Variants in VGLL2 observed in about 807,000 individuals in gnomAD.
VGLL2 encodes the protein transcription cofactor vestigial-like protein 2.
VGLL2 carries 18 observed loss-of-function variants against 27.0 expected under a neutral mutation model. The ratio of observed to expected loss-of-function variants is 0.67; its 90% confidence interval spans 0.46 to 0.99. The LOEUF (loss-of-function observed/expected upper bound fraction) is 0.99. Among genes scored for constraint, VGLL2 ranks in the 50% least tolerant of loss-of-function variants. The pLI, the probability that VGLL2 is intolerant of heterozygous loss-of-function variation, is 0.00. For synonymous variants in VGLL2, 220 were observed against 201.1 expected (o/e 1.09, Z -0.80); for missense variants, 491 against 452.3 (o/e 1.09, Z -0.78).
At chr6:117,270,507 C>G (rs759078785) in intron 2 of VGLL2, 36 bp from the exon 3 acceptor site, 2 of 1,545,004 alleles carry the variant, frequency 1.3e-6, no homozygotes, top group Admixed American at 3.8e-5. Context: ...CACCTCTTTT[C>G]CTTTCCTCCA....
chr6:117,270,905 G>T lies in VGLL2; in HGVS notation c.754G>T (p.Ala252Ser), dbSNP rs754052998. 7.9e-7 allele frequency: 1 copy of T among 1,262,488 alleles called. No homozygotes were observed. Among genetic ancestry groups the T allele is most frequent in the South Asian group, 2.9e-5 (1 of 34,736 alleles). 78.2% of individuals were successfully genotyped at this position (1,262,488 alleles called of 1,614,324 possible). A position where few individuals can be genotyped will look rare whatever the true frequency, so the allele number is the denominator to read the frequency against. Residue 252 changes from alanine (A) to serine (S), a missense_variant, in exon 3 of 4, where the codon GCC becomes TCC. Coordinates refer to ENST00000326274, the MANE Select transcript of VGLL2 (RefSeq NM_182645.3). ...GATGCCAGCCGCCTCGGGGCGCCCG[G>T]CCCGCCTCGCAACCGCCCCGGCGCC... ...LLMPAASGRP[A>S]RLATAPAPAP...
Position 117,267,576 on chromosome 6 carries a change from C to G in VGLL2, c.82-606C>G, listed in dbSNP as rs115962863. Among the ~76,000 whole-genome samples, 572 of 152,292 alleles carry G rather than the reference C, an allele frequency of 3.8e-3. 6 individuals are homozygous for G. The highest frequency in any genetic ancestry group is 0.014 in the African/African-American group (562 of 41,552). On this transcript the variant is annotated intron_variant, in intron 1 of 3. Transcript: ENST00000326274. The stretch of plus-strand genomic sequence containing the variant: ...GTCATGTTACCCCAGATTTTTACCC[C>G]ACACAATTCATTACTAAATGTAATT...
chr6:117,268,634 A>G (rs1193500083), intron 2 of VGLL2, 143 bp downstream of exon 2: 2 of 929,946 alleles, frequency 2.2e-6, no homozygotes, highest in Admixed American at 2.9e-5. Flanking sequence ...AAGGGTAAGG[A>G]AAACGCAGGG....
chr6:117,270,791 C>G lies in VGLL2; in HGVS notation c.640C>G (p.Leu214Val), dbSNP rs1198707584. 6.9e-7 allele frequency: 1 copy of G among 1,445,484 alleles called. No individual in the cohort carries two copies. The highest frequency in any genetic ancestry group is 9.1e-7 in the Non-Finnish European group (1 of 1,104,650). 89.5% of individuals were successfully genotyped at this position (1,445,484 alleles called of 1,614,324 possible). Residue 214 changes from leucine to valine, a missense_variant, in exon 3 of 4, where the codon CTC becomes GTC. Coordinates refer to ENST00000326274, the MANE Select transcript of VGLL2 (RefSeq NM_182645.3). ...TCACCCCTACGCCCTGGGCGGCGCC[C>G]TCGGCGCCCAGGCCGCCCCCTACCC... ...PHHPYALGGALGAQAAPYPRP... is the reference protein window; with the variant it reads ...PHHPYALGGAVGAQAAPYPRP...
In VGLL2 at chr6:117,270,784, C is replaced by A; in HGVS notation, c.633C>A (p.Gly211=). Residue 211 remains glycine, a synonymous_variant, in exon 3 of 4, where the codon GGC becomes GGA. Transcript: ENST00000326274. ...HAHPHHPYAL[G]GALGAQAAPY... is the part of the protein sequence containing the mutation. ...ACCCGCATCACCCCTACGCCCTGGG[C>A]GGCGCCCTCGGCGCCCAGGCCGCCC... 6.9e-7 allele frequency: 1 copy of A among 1,445,970 alleles called. No homozygotes were observed. Among genetic ancestry groups the A allele is most frequent in the Non-Finnish European group, 9.1e-7 (1 of 1,104,912 alleles). 89.6% of individuals were successfully genotyped at this position (1,445,970 alleles called of 1,614,324 possible).
intron 3 of VGLL2, among the ~76,000 whole-genome samples, chr6:117,271,904 T>A (rs1404311022): frequency 6.6e-6 from 1 of 152,196 alleles, no homozygotes; most frequent in Non-Finnish European, 1.5e-5. Flanking sequence ...AAGGGCTTGC[T>A]TTTTTGCCTT....
chr6:117,266,508 G>A (rs1306684434), intron 1 of VGLL2, among the ~76,000 whole-genome samples: 2 of 152,222 alleles, frequency 1.3e-5, no homozygotes, highest in African/African-American at 4.8e-5. Context: ...TCTCCAGCCT[G>A]AGTAGGTGAA....
At chr6:117,269,966 A>T (rs1773145591) in intron 2 of VGLL2, among the ~76,000 whole-genome samples, 1 of 152,162 alleles carries the variant, frequency 6.6e-6, no homozygotes, top group Non-Finnish European at 1.5e-5. Context: ...GAAAACTAAC[A>T]ATAGCAAGAC....
chr6:117,269,457 C>A (rs1439818148), intron 2 of VGLL2, among the ~76,000 whole-genome samples: 1 of 152,172 alleles, frequency 6.6e-6, no homozygotes, highest in African/African-American at 2.4e-5. Context: ...TTAAGAGACG[C>A]TGGCAGTTTG....
chr6:117,267,900 G>A (rs1773100789), intron 1 of VGLL2, among the ~76,000 whole-genome samples: 1 of 152,170 alleles, frequency 6.6e-6, no homozygotes, highest in Non-Finnish European at 1.5e-5. Context: ...GGTGTCTCCT[G>A]AAACCTTCAC....
intron 3 of VGLL2, among the ~76,000 whole-genome samples, chr6:117,272,114 G>A (rs1562232536): frequency 6.8e-6 from 1 of 148,140 alleles, no homozygotes; most frequent in Non-Finnish European, 1.5e-5. Flanking sequence ...AAACAGTGGT[G>A]TTTTGTCCTT....
Position 117,268,262 on chromosome 6 carries a change from A to G in VGLL2, c.162A>G (p.Ser54=). ...SPSSSGSGSS[S]FSSQTPASIK... is the part of the protein sequence containing the mutation. ...GCAGCAGTGGCAGCGGCAGCTCCTCATTTTCCAGCCAAACCCCAGCCAGTA... is the reference window on the plus strand; with the variant it reads ...GCAGCAGTGGCAGCGGCAGCTCCTCGTTTTCCAGCCAAACCCCAGCCAGTA... The change falls in exon 2 of 4, where the codon TCA becomes TCG. Residue 54 remains serine, a synonymous_variant. Coordinates refer to ENST00000326274, the MANE Select transcript of VGLL2 (RefSeq NM_182645.3). The G allele has an allele frequency of 6.2e-7, 1 of 1,613,850 alleles. No individual in the cohort carries two copies. The highest frequency in any genetic ancestry group is 8.5e-7 in the Non-Finnish European group (1 of 1,180,034).
chr6:117,267,478 T>G (rs1235472461), intron 1 of VGLL2, among the ~76,000 whole-genome samples: 1 of 151,032 alleles, frequency 6.6e-6, no homozygotes, highest in African/African-American at 2.5e-5. Flanking sequence ...AGAGAAGATC[T>G]GTTTAAAAAC....
At chr6:117,271,173 C>A in intron 3 of VGLL2, 109 bp downstream of exon 3, 1 of 993,142 alleles carries the variant, frequency 1.0e-6, no homozygotes, top group Non-Finnish European at 1.3e-6. Flanking sequence ...ATTCTGTGGC[C>A]CAAGGATCTG....
chr6:117,268,663 A>T lies in VGLL2; in HGVS notation c.391+172A>T, dbSNP rs532378694. On this transcript the variant is annotated intron_variant, in intron 2 of 3. Coordinates refer to ENST00000326274, the MANE Select transcript of VGLL2 (RefSeq NM_182645.3). ...CGCAGGGGTAAAGGGCATGGATATAAGAAAAAACTCCTTGGAAAAAACACT... is the reference window on the plus strand; with the variant it reads ...CGCAGGGGTAAAGGGCATGGATATATGAAAAAACTCCTTGGAAAAAACACT... Among the ~76,000 whole-genome samples the T allele has an allele frequency of 2.6e-5, 4 of 152,340 alleles. No homozygotes were observed. The South Asian group carries it at 8.3e-4, about 32-fold the overall frequency.
intron 1 of VGLL2, among the ~76,000 whole-genome samples, chr6:117,267,549 C>T (rs935456765): frequency 6.6e-6 from 1 of 152,150 alleles, no homozygotes; most frequent in Non-Finnish European, 1.5e-5. Context: ...CGTGTTTCCC[C>T]AGTCATGTTA....
At chr6:117,270,454 G>T in intron 2 of VGLL2, 89 bp from the exon 3 acceptor site, 1 of 1,427,304 alleles carries the variant, frequency 7.0e-7, no homozygotes, top group Admixed American at 2.6e-5. Context: ...CGTCTCTCGG[G>T]CGGGACGTGC....
At position 117,270,718 on chromosome 6, in the gene VGLL2, C is replaced by T. The variant is rs761865457; in HGVS notation, c.567C>T (p.Gly189=). 4.0e-5 allele frequency: 61 copies of T among 1,527,284 alleles called. No homozygotes were observed. The highest frequency in any genetic ancestry group is 5.0e-5 in the Non-Finnish European group (57 of 1,146,910). 94.6% of individuals were successfully genotyped at this position (1,527,284 alleles called of 1,614,324 possible). A position where few individuals can be genotyped will look rare whatever the true frequency, so the allele number is the denominator to read the frequency against. ...CGCTGCATGGCCACCTGCACCAGGG[C>T]GCCACGGAGCCCTGGCACCACGCGC... is the stretch of plus-strand genomic sequence containing the variant. ...PAALHGHLHQ[G]ATEPWHHAHP... is the part of the protein sequence containing the mutation. Residue 189 remains glycine (G), a synonymous_variant, in exon 3 of 4, where the codon GGC becomes GGT. Transcript: ENST00000326274.
chr6:117,268,821 C>A (rs748031459), intron 2 of VGLL2, among the ~76,000 whole-genome samples: 7 of 152,178 alleles, frequency 4.6e-5, no homozygotes, highest in Admixed American at 1.3e-4. Context: ...CACTTACCCT[C>A]CTAACCCCAG....
Sources: gnomAD v4.1 joint callset for allele counts (sites outside exome capture counted in the v4.1 genomes callset) on GRCh38, gnomAD v4.1.1 for gene constraint, MANE v1.5 for transcripts, NCBI Gene and HGNC (gene_info 2026-07-23, HGNC 2026-07-21) for gene names.